TAS2R1: variants seen among roughly 807,000 people sequenced by gnomAD.
The protein encoded by TAS2R1 is taste 2 receptor member 1.
For synonymous variants in TAS2R1, 141 were observed against 134.2 expected (o/e 1.05, Z -0.35); for missense variants, 370 against 353.4 (o/e 1.05, Z -0.38).
intron 2 of TAS2R1, among the ~76,000 whole-genome samples, chr5:9,646,115 A>G (rs1022762188): frequency 1.4e-4 from 21 of 152,164 alleles, no homozygotes; most frequent in Non-Finnish European, 2.9e-5. Context: ...TGTGACTTGT[A>G]TATTAGAGTT....
the TAS2R1 span, among the ~76,000 whole-genome samples, chr5:9,770,327 G>T: frequency 6.1e-4 from 93 of 152,222 alleles, no homozygotes; most frequent in African/African-American, 2.1e-3. Context: ...GCAATAATTT[G>T]AAATCAAGTG....
chr5:9,646,780 G>T (rs1740197493), intron 2 of TAS2R1, among the ~76,000 whole-genome samples: 1 of 152,066 alleles, frequency 6.6e-6, no homozygotes, highest in Non-Finnish European at 1.5e-5. Context: ...AGCCTTTGTG[G>T]TTACTTAGTT....
the TAS2R1 span, among the ~76,000 whole-genome samples, chr5:9,862,716 G>T: frequency 3.6e-3 from 551 of 152,152 alleles, 3 homozygotes; most frequent in Non-Finnish European, 6.0e-3. Context: ...CTGGGCTCAA[G>T]CCATCCTCCC....
At chr5:9,655,135 C>A (rs1361838383) in intron 2 of TAS2R1, among the ~76,000 whole-genome samples, 1 of 152,076 alleles carries the variant, frequency 6.6e-6, no homozygotes, top group African/African-American at 2.4e-5. Context: ...AGAGGAATGT[C>A]CTGAGGCCTG....
intron 2 of TAS2R1, among the ~76,000 whole-genome samples, chr5:9,635,519 T>C (rs1739947195): frequency 6.6e-6 from 1 of 152,060 alleles, no homozygotes; most frequent in South Asian, 2.1e-4. Context: ...TTAGTTAAGA[T>C]TGGTACCAAT....
chr5:9,645,155 G>A (rs1300706010), intron 2 of TAS2R1, among the ~76,000 whole-genome samples: 1 of 152,152 alleles, frequency 6.6e-6, no homozygotes, highest in Non-Finnish European at 1.5e-5. Flanking sequence ...TTGGGAAGAG[G>A]CAGAATACTT....
intron 1 of TAS2R1, among the ~76,000 whole-genome samples, chr5:9,710,505 A>G (rs1741708532): frequency 6.6e-6 from 1 of 152,244 alleles, no homozygotes; most frequent in Non-Finnish European, 1.5e-5. Context: ...CAAACAAAAG[A>G]TAGACTGAAA....
chr5:9,686,392 G>A lies in TAS2R1; in HGVS notation c.-242+25780C>T, dbSNP rs561882625. 3.9e-5 allele frequency among the ~76,000 whole-genome samples: 6 copies of A among 152,188 alleles called. No homozygotes were observed. The South Asian group carries it at 6.2e-4, about 16-fold the overall frequency. On this transcript the variant is annotated intron_variant, in intron 1 of 2. Transcript: ENST00000506620. Reference sequence around the variant, plus strand: ...TCTAGCAATAAGAATGTTATCCCTCGGCATTTCTCAGGGAGTTAGTCACCA... The same window carrying A: ...TCTAGCAATAAGAATGTTATCCCTCAGCATTTCTCAGGGAGTTAGTCACCA...
the TAS2R1 span, among the ~76,000 whole-genome samples, chr5:9,811,782 T>C: frequency 5.3e-5 from 8 of 152,168 alleles, no homozygotes; most frequent in East Asian, 1.2e-3. Context: ...GTGTGTTTCA[T>C]AGACATCTGA....
the TAS2R1 span, among the ~76,000 whole-genome samples, chr5:9,863,641 C>G: frequency 6.6e-6 from 1 of 152,178 alleles, no homozygotes; most frequent in Admixed American, 6.5e-5. Flanking sequence ...CCCGTGTTCC[C>G]TGACTCACAT....
the TAS2R1 span, among the ~76,000 whole-genome samples, chr5:9,897,547 C>A: frequency 3.3e-5 from 5 of 152,298 alleles, no homozygotes; most frequent in African/African-American, 1.2e-4. Context: ...TTAGGCTAAC[C>A]GCACGTCTAT....
At chr5:9,639,899 G>C (rs889073394) in intron 2 of TAS2R1, among the ~76,000 whole-genome samples, 3 of 152,132 alleles carry the variant, frequency 2.0e-5, no homozygotes, top group Non-Finnish European at 2.9e-5. Context: ...TTTTGTATGA[G>C]AGCCCTAAAA....
chr5:9,691,991 T>A (rs1454969075), intron 1 of TAS2R1, among the ~76,000 whole-genome samples: 2 of 152,196 alleles, frequency 1.3e-5, no homozygotes, highest in Admixed American at 6.5e-5. Flanking sequence ...TCTCCAGGGT[T>A]TGGAGTCCAT....
At chr5:9,710,199 G>T (rs1409536109) in intron 1 of TAS2R1, among the ~76,000 whole-genome samples, 2 of 152,116 alleles carry the variant, frequency 1.3e-5, no homozygotes, top group Non-Finnish European at 2.9e-5. Flanking sequence ...AGGATTGCCT[G>T]TCTTCTTTAT....
At chr5:9,815,261 G>A in the TAS2R1 span, among the ~76,000 whole-genome samples, 1 of 152,216 alleles carries the variant, frequency 6.6e-6, no homozygotes, top group Non-Finnish European at 1.5e-5. Context: ...AGGCTTCACA[G>A]GACTGGGGGA....
the TAS2R1 span, among the ~76,000 whole-genome samples, chr5:9,827,702 G>C: frequency 6.6e-6 from 1 of 152,052 alleles, no homozygotes; most frequent in East Asian, 1.9e-4. Flanking sequence ...ACTATCACTT[G>C]AACCTGGAAG....
chr5:9,761,550 T>C, the TAS2R1 span, among the ~76,000 whole-genome samples: 1 of 152,234 alleles, frequency 6.6e-6, no homozygotes, highest in Non-Finnish European at 1.5e-5. Flanking sequence ...CATTAGTCTT[T>C]TGCAAAAATA....
chr5:9,896,256 G>A, the TAS2R1 span, among the ~76,000 whole-genome samples: 8 of 152,134 alleles, frequency 5.3e-5, no homozygotes, highest in Admixed American at 1.3e-4. Flanking sequence ...ATTATCTCTC[G>A]TGTCTTTTGC....
At chr5:9,794,737 T>G in the TAS2R1 span, among the ~76,000 whole-genome samples, 1 of 152,198 alleles carries the variant, frequency 6.6e-6, no homozygotes, top group African/African-American at 2.4e-5. Context: ...GGTCACATTT[T>G]GCTTTGAAAC....
Sources: allele counts gnomAD v4.1 joint callset (sites outside exome capture counted in the v4.1 genomes callset), GRCh38; gene constraint gnomAD v4.1.1; transcripts MANE v1.5; gene names NCBI Gene and HGNC (gene_info 2026-07-23, HGNC 2026-07-21).